The following PDE10A variants were observed in gnomAD, a reference collection of about 807,000 sequenced individuals.
PDE10A encodes the protein phosphodiesterase 10A, also known as cAMP and cAMP-inhibited cGMP 3',5'-cyclic phosphodiesterase 10A.
A neutral mutation model predicts 97.7 loss-of-function variants in PDE10A; 39 were observed. The ratio of observed to expected loss-of-function variants is 0.40; its 90% CI spans 0.31 to 0.52. The LOEUF is 0.52. PDE10A is among the 20% of genes least tolerant of loss of function. The pLI is 0.56. For missense variants in PDE10A, 731 were observed against 1,047.8 expected (o/e 0.70, Z 4.17); for synonymous variants, 371 against 376.8 (o/e 0.98, Z 0.18).
At chr6:165,527,492 C>G (rs1008682090) in intron 2 of PDE10A, among the ~76,000 whole-genome samples, 6 of 152,146 alleles carry the variant, frequency 3.9e-5, no homozygotes, top group Admixed American at 2.0e-4. Flanking sequence ...GATTTTGGAG[C>G]AAGGCCCTGC....
chr6:165,690,275 A>T (rs1330311282), intron 1 of PDE10A, among the ~76,000 whole-genome samples: 1 of 152,186 alleles, frequency 6.6e-6, no homozygotes, highest in African/African-American at 2.4e-5. Flanking sequence ...AACTCATCCC[A>T]TGGTCTCCAC....
At chr6:165,664,125 C>A (rs59551525), upstream of PDE10A, among the ~76,000 whole-genome samples, 5,969 of 152,152 alleles carry the variant, frequency 0.039, 324 homozygotes, top group East Asian at 0.25. Flanking sequence ...GTGGAGCACA[C>A]GCGCCAAAGC....
At chr6:165,971,520 C>T (rs1784674296) in intron 1 of PDE10A, among the ~76,000 whole-genome samples, 1 of 152,222 alleles carries the variant, frequency 6.6e-6, no homozygotes, top group African/African-American at 2.4e-5. Context: ...ACACAGGAAA[C>T]ATGTGACTGT....
chr6:165,861,559 G>A (rs945573443), intron 1 of PDE10A, among the ~76,000 whole-genome samples: 8 of 151,902 alleles, frequency 5.3e-5, no homozygotes, highest in Non-Finnish European at 7.4e-5. Flanking sequence ...TTTCCTGTGT[G>A]AAGGGGAGCC....
At chr6:165,667,578 A>G (rs1158970764), upstream of PDE10A, among the ~76,000 whole-genome samples, 1 of 151,934 alleles carries the variant, frequency 6.6e-6, no homozygotes, top group Admixed American at 6.6e-5. Flanking sequence ...CAAATGGTTA[A>G]AACAATATTT....
At chr6:165,613,052 A>G (rs994526554) in intron 1 of PDE10A, among the ~76,000 whole-genome samples, 3 of 152,224 alleles carry the variant, frequency 2.0e-5, no homozygotes, top group African/African-American at 7.2e-5. Flanking sequence ...TCTAGAGGAT[A>G]GTTTATTTTT....
intron 1 of PDE10A, among the ~76,000 whole-genome samples, chr6:165,559,791 C>T (rs1028657421): frequency 1.3e-5 from 2 of 152,124 alleles, no homozygotes; most frequent in African/African-American, 2.4e-5. Flanking sequence ...GTACTGTTCT[C>T]GTGGTAGTGA....
At chr6:165,489,391 G>A (rs1433215110) in intron 2 of PDE10A, among the ~76,000 whole-genome samples, 3 of 152,284 alleles carry the variant, frequency 2.0e-5, no homozygotes, top group Middle Eastern at 3.4e-3. Flanking sequence ...ATTCCTAGGG[G>A]AAGGGGAAGA....
intron 2 of PDE10A, among the ~76,000 whole-genome samples, chr6:165,512,545 A>C (rs1781564010): frequency 6.6e-6 from 1 of 151,994 alleles, no homozygotes; most frequent in South Asian, 2.1e-4. Context: ...AGGGGTTGCA[A>C]ATAGTATTCC....
intron 3 of PDE10A, among the ~76,000 whole-genome samples, chr6:165,451,060 T>C (rs113783189): frequency 2.0e-4 from 30 of 152,348 alleles, no homozygotes; most frequent in African/African-American, 7.2e-4. Context: ...GTCGCTGCAC[T>C]GGGTGAAACA....
At chr6:165,362,976 G>A (rs922316731) in intron 18 of PDE10A, among the ~76,000 whole-genome samples, 1 of 152,028 alleles carries the variant, frequency 6.6e-6, no homozygotes, top group African/African-American at 2.4e-5. Flanking sequence ...TGATAATCTC[G>A]ATAGATGCAG....
intron 1 of PDE10A, among the ~76,000 whole-genome samples, chr6:165,886,520 A>G (rs181374720): frequency 6.6e-6 from 1 of 152,258 alleles, no homozygotes; most frequent in Non-Finnish European, 1.5e-5. Flanking sequence ...AAGTGAGTAC[A>G]GGAACAGGAC....
At chr6:165,616,196 G>C (rs371369289) in intron 1 of PDE10A, among the ~76,000 whole-genome samples, 2 of 152,082 alleles carry the variant, frequency 1.3e-5, no homozygotes, top group East Asian at 1.9e-4. Context: ...TTAAACGTGA[G>C]CAGTAGCTCC....
chr6:165,526,337 T>A (rs1211117544), intron 2 of PDE10A, among the ~76,000 whole-genome samples: 1 of 152,136 alleles, frequency 6.6e-6, no homozygotes, highest in Admixed American at 6.5e-5. Context: ...CCTGGACTCA[T>A]CCTGTGGTCA....
chr6:165,814,722 C>A (rs965220221), intron 1 of PDE10A, among the ~76,000 whole-genome samples: 4 of 152,110 alleles, frequency 2.6e-5, no homozygotes, highest in Admixed American at 2.6e-4. Flanking sequence ...CAGAGAAGAG[C>A]CAACCCTATC....
At chr6:165,897,627 C>A (rs896413554) in intron 1 of PDE10A, among the ~76,000 whole-genome samples, 1 of 150,646 alleles carries the variant, frequency 6.6e-6, no homozygotes, top group African/African-American at 2.4e-5. Context: ...ACCAGACCCG[C>A]CCCCCAGCCC....
At chr6:165,623,806 G>C (rs1436490487) in intron 1 of PDE10A, among the ~76,000 whole-genome samples, 1 of 152,024 alleles carries the variant, frequency 6.6e-6, no homozygotes, top group East Asian at 1.9e-4. Flanking sequence ...TCATGAATAT[G>C]TCCCCAGGTT....
At chr6:165,727,978 T>G (rs1277200619) in intron 1 of PDE10A, among the ~76,000 whole-genome samples, 1 of 152,186 alleles carries the variant, frequency 6.6e-6, no homozygotes, top group Non-Finnish European at 1.5e-5. Flanking sequence ...TTTGTTTGTT[T>G]TTGTGTTAAG....
At chr6:165,537,017 T>C (rs928771741) in intron 2 of PDE10A, among the ~76,000 whole-genome samples, 1 of 151,934 alleles carries the variant, frequency 6.6e-6, no homozygotes, top group Non-Finnish European at 1.5e-5. Flanking sequence ...GCACTATTCA[T>C]AGTAGCCGAA....
Sources: gnomAD v4.1 joint callset for allele counts (sites outside exome capture counted in the v4.1 genomes callset) on GRCh38, gnomAD v4.1.1 for gene constraint, MANE v1.5 for transcripts, NCBI Gene and HGNC (gene_info 2026-07-23, HGNC 2026-07-21) for gene names.